ITSN1: variants seen among roughly 807,000 people sequenced by gnomAD.
The protein encoded by ITSN1 is intersectin 1, also known as intersectin-1.
A neutral mutation model predicts 239.8 loss-of-function variants in ITSN1; 58 were observed. The observed-to-expected ratio is 0.24, with a 90% CI of 0.20 to 0.30. The LOEUF (loss-of-function observed/expected upper bound fraction) is 0.30, where lower values mean the gene tolerates loss of function less well. Ranked by LOEUF, ITSN1 falls within the 10% of genes least tolerant of loss-of-function variation. The pLI, the probability that ITSN1 is intolerant of heterozygous loss-of-function variation, is 1.00. For synonymous variants in ITSN1, 780 were observed against 770.8 expected, an observed-to-expected ratio of 1.01 and a Z score of -0.20; for missense variants, 1,558 against 2,103.3, an observed-to-expected ratio of 0.74 and a Z score of 5.07.
At chr21:33,771,977 T>A in intron 11 of ITSN1, 84 bp from the exon 12 acceptor site, 1 of 1,497,476 alleles carries the variant, frequency 6.7e-7, no homozygotes, top group African/African-American at 1.4e-5. Flanking sequence ...TACTACAAAT[T>A]TCAAATACAT....
chr21:33,834,427 A>G lies in ITSN1; in HGVS notation c.3469+3A>G. 1.2e-6 allele frequency: 2 copies of G among 1,601,146 alleles called. No homozygotes were observed. The highest frequency in any genetic ancestry group is 1.1e-5 in the South Asian group (1 of 90,058). On this transcript the variant is annotated splice_donor_region_variant and intron_variant, in intron 28 of 39. Transcript: ENST00000381318. ...TAAGTCAACAGCATTAGCGGCAGGT[A>G]AGGAGTTTCGCATCTCTAACTGGAA...
At chr21:33,857,294 A>G (rs1201712946) in intron 30 of ITSN1, among the ~76,000 whole-genome samples, 7 of 152,106 alleles carry the variant, frequency 4.6e-5, no homozygotes, top group Non-Finnish European at 8.8e-5. Flanking sequence ...GCCATATGTT[A>G]CCCTGAGACA....
intron 5 of ITSN1, among the ~76,000 whole-genome samples, chr21:33,736,976 C>A (rs897570933): frequency 2.0e-5 from 3 of 152,270 alleles, no homozygotes; most frequent in East Asian, 3.9e-4. Context: ...CAAAGTGATA[C>A]CCTGTCTTAA....
intron 1 of ITSN1, among the ~76,000 whole-genome samples, chr21:33,711,915 T>G (rs2092429484): frequency 6.6e-6 from 1 of 152,240 alleles, no homozygotes; most frequent in Admixed American, 6.5e-5. Context: ...CTACATATTT[T>G]AAAGACCCTA....
intron 4 of ITSN1, among the ~76,000 whole-genome samples, chr21:33,732,911 A>G (rs2066277086): frequency 6.6e-6 from 1 of 152,208 alleles, no homozygotes; most frequent in Non-Finnish European, 1.5e-5. Flanking sequence ...ATACAATTTT[A>G]TTAAAGGAAA....
intron 5 of ITSN1, among the ~76,000 whole-genome samples, chr21:33,744,727 G>A (rs143875835): frequency 6.6e-5 from 10 of 152,264 alleles, no homozygotes; most frequent in Admixed American, 2.6e-4. Flanking sequence ...AAGCCAACCC[G>A]AAGAGGCTTA....
At chr21:33,796,856 G>A (rs577976394) in intron 17 of ITSN1, among the ~76,000 whole-genome samples, 6 of 152,282 alleles carry the variant, frequency 3.9e-5, no homozygotes, top group Admixed American at 2.6e-4. Context: ...TCAGGTTGAG[G>A]CCATCAAAAA....
chr21:33,890,023 G>A lies in ITSN1; in HGVS notation c.*1723G>A, dbSNP rs1163537239. 6.6e-6 allele frequency: 1 copy of A among 152,176 alleles called. No individual in the cohort carries two copies. Among genetic ancestry groups the A allele is most frequent in the Non-Finnish European group, 1.5e-5 (1 of 68,030 alleles). The allele number at this position is 152,176 out of a possible 1,614,324, so 9.4% of individuals were successfully genotyped here. On this transcript the variant is annotated 3_prime_UTR_variant, in exon 40 of 40. Transcript: ENST00000381318. ...AACAAGCAAATATACCCTGTAGTTA[G>A]AAACTTTCAACTGAACATGTTAGAG...
At chr21:33,835,885 C>T (rs902474051) in intron 28 of ITSN1, among the ~76,000 whole-genome samples, 3 of 152,178 alleles carry the variant, frequency 2.0e-5, no homozygotes, top group African/African-American at 4.8e-5. Context: ...GAGCTGAGAT[C>T]GTGCCACTGC....
chr21:33,737,043 A>G (rs1272293068), intron 5 of ITSN1, among the ~76,000 whole-genome samples: 3 of 152,216 alleles, frequency 2.0e-5, no homozygotes, highest in East Asian at 1.9e-4. Flanking sequence ...TTCCAATGCT[A>G]CAAGAAGAAA....
At chr21:33,835,697 G>T (rs147477088) in intron 28 of ITSN1, among the ~76,000 whole-genome samples, 18 of 152,236 alleles carry the variant, frequency 1.2e-4, no homozygotes, top group African/African-American at 4.1e-4. Flanking sequence ...TTGGGAGGCC[G>T]AGGCGGGCGG....
intron 29 of ITSN1, among the ~76,000 whole-genome samples, chr21:33,842,912 C>G (rs1452585220): frequency 2.0e-5 from 3 of 152,110 alleles, no homozygotes; most frequent in Non-Finnish European, 4.4e-5. Flanking sequence ...CTGCTTTCCC[C>G]TCCCATTTCC....
intron 20 of ITSN1, among the ~76,000 whole-genome samples, chr21:33,805,677 A>T (rs984056966): frequency 2.0e-5 from 3 of 151,814 alleles, no homozygotes; most frequent in African/African-American, 7.2e-5. Context: ...TTGTTTGTTT[A>T]TTTTTTGTTT....
chr21:33,887,771 A>C (rs1986018735), intron 39 of ITSN1, among the ~76,000 whole-genome samples: 1 of 151,866 alleles, frequency 6.6e-6, no homozygotes, highest in African/African-American at 2.4e-5. Context: ...ATGCTAGGCT[A>C]ATTTTTAAAA....
At chr21:33,837,039 C>T in intron 29 of ITSN1, 1 of 1,612,464 alleles carries the variant, frequency 6.2e-7, no homozygotes, top group Non-Finnish European at 8.5e-7. Context: ...CAAAGAGACC[C>T]ACTATCCCAT....
intron 1 of ITSN1, among the ~76,000 whole-genome samples, chr21:33,659,705 CTTTTTTT>C (rs71194859): frequency 1.3e-5 from 1 of 76,606 alleles, no homozygotes; most frequent in Non-Finnish European, 2.3e-5. Context: ...GCAGCCTGTA[CTTTTTTT>C]TTTTTTTTTT....
chr21:33,819,043 G>A (rs190473493), intron 23 of ITSN1, among the ~76,000 whole-genome samples, 198 bp from the exon 24 acceptor site: 77 of 152,034 alleles, frequency 5.1e-4, no homozygotes, highest in Non-Finnish European at 9.1e-4. Flanking sequence ...GCAAAGTGCT[G>A]AAAAATAAGA....
Position 33,895,422 on chromosome 21 carries a change from T to C in ITSN1, c.*7122T>C, listed in dbSNP as rs1033195663. On this transcript the variant is annotated 3_prime_UTR_variant, in exon 40 of 40. Transcript: ENST00000381318. The stretch of plus-strand genomic sequence containing the variant: ...AGTGCGTGGTGTGTGCATGCGTGTT[T>C]GTGCGTGCGTGTGCATGTATGTGTT... 8 of 66,402 alleles carry C rather than the reference T, an allele frequency of 1.2e-4. No homozygotes were observed. The highest frequency in any genetic ancestry group is 2.6e-4 in the Non-Finnish European group (7 of 27,302). The allele number at this position is 66,402 out of a possible 1,614,324, so 4.1% of individuals were successfully genotyped here.
At position 33,858,749 on chromosome 21, in the gene ITSN1, G is replaced by C; in HGVS notation, c.3847G>C (p.Val1283Leu). ...LTEKEVAMIF[V>L]NWKELIMCNI... is the part of the protein sequence containing the mutation. Reference sequence around the variant, plus strand: ...AGAAAAAGAGGTTGCTATGATTTTTGTGAACTGGAAGGAGCTGATTATGTG... The same window carrying C: ...AGAAAAAGAGGTTGCTATGATTTTTCTGAACTGGAAGGAGCTGATTATGTG... Residue 1283 changes from valine to leucine, a missense_variant, in exon 31 of 40, where the codon GTG (valine) becomes CTG (leucine). This residue lies in a region of ITSN1 where 576 missense variants were observed against 893.3 expected (regional missense o/e 0.64). Transcript: ENST00000381318. 1.2e-6 allele frequency: 2 copies of C among 1,613,894 alleles called. No homozygotes were observed. The highest frequency in any genetic ancestry group is 1.7e-6 in the Non-Finnish European group (2 of 1,179,806).
Sources: allele counts gnomAD v4.1 joint callset (sites outside exome capture counted in the v4.1 genomes callset), GRCh38; gene constraint gnomAD v4.1.1; regional missense constraint gnomAD v4.1.1; transcripts MANE v1.5; gene names NCBI Gene and HGNC (gene_info 2026-07-23, HGNC 2026-07-21).